Variants in CTNNA2 observed in about 807,000 individuals in gnomAD.
CTNNA2 encodes the protein catenin alpha-2.
CTNNA2 carries 42 observed loss-of-function variants against 101.0 expected under a neutral mutation model. The observed-to-expected ratio is 0.42, with a 90% CI of 0.32 to 0.54. The LOEUF is 0.54. CTNNA2 is among the 20% of genes least tolerant of loss of function. The pLI, the probability that CTNNA2 is intolerant of heterozygous loss-of-function variation, is 0.14. For synonymous variants in CTNNA2, 450 were observed against 456.4 expected (o/e 0.99, Z 0.18); for missense variants, 871 against 1,223.1 (o/e 0.71, Z 4.29).
intron 7 of CTNNA2, among the ~76,000 whole-genome samples, chr2:79,919,979 G>C (rs1209139635): frequency 6.6e-6 from 1 of 152,146 alleles, no homozygotes; most frequent in Non-Finnish European, 1.5e-5. Flanking sequence ...TCCTTTTGGA[G>C]GCCGAGGTGG....
At chr2:79,991,107 G>A (rs1692142403) in intron 7 of CTNNA2, among the ~76,000 whole-genome samples, 1 of 152,220 alleles carries the variant, frequency 6.6e-6, no homozygotes, top group South Asian at 2.1e-4. Flanking sequence ...ATTTTTGTGG[G>A]ATCGGTCGTG....
chr2:79,880,611 G>A (rs1432031097), intron 6 of CTNNA2, among the ~76,000 whole-genome samples: 1 of 152,130 alleles, frequency 6.6e-6, no homozygotes, highest in Non-Finnish European at 1.5e-5. Context: ...GCATAGAGGT[G>A]TTTATAGTAT....
chr2:80,169,266 C>G (rs1292156791), intron 7 of CTNNA2, among the ~76,000 whole-genome samples: 2 of 152,072 alleles, frequency 1.3e-5, no homozygotes, highest in Non-Finnish European at 2.9e-5. Context: ...ACTGGATGTC[C>G]ATAGTCATGA....
At chr2:80,244,049 G>A (rs1573495230) in intron 7 of CTNNA2, among the ~76,000 whole-genome samples, 1 of 152,114 alleles carries the variant, frequency 6.6e-6, no homozygotes, top group East Asian at 1.9e-4. Flanking sequence ...GCTGGACGAA[G>A]AAGAAAAACA....
intron 7 of CTNNA2, among the ~76,000 whole-genome samples, chr2:80,368,315 G>A (rs1675121621): frequency 6.6e-6 from 1 of 152,122 alleles, no homozygotes; most frequent in Non-Finnish European, 1.5e-5. Flanking sequence ...CATAGACTGG[G>A]AAATGTTGTC....
At chr2:80,598,128 AAAG>A (rs1462402967) in intron 15 of CTNNA2, among the ~76,000 whole-genome samples, 1 of 152,224 alleles carries the variant, frequency 6.6e-6, no homozygotes, top group South Asian at 2.1e-4. Context: ...ATCCAGCCAT[AAAG>A]AAGAATGAGA....
chr2:79,573,800 G>C lies in CTNNA2; in HGVS notation c.-6+60593G>C, dbSNP rs528781259. The stretch of plus-strand genomic sequence containing the variant: ...GTGTTTTCATGTTGATAGCACTTGT[G>C]AATTGGTGGTATAAGGCCTACTCCT... On this transcript the variant is annotated intron_variant, in intron 1 of 18. Coordinates refer to ENST00000402739, the MANE Select transcript of CTNNA2 (RefSeq NM_001282597.3). The C allele has an allele frequency of 1.2e-4, 18 of 152,268 alleles. 1 individual carries two copies. The highest frequency in any genetic ancestry group is 1.1e-3 in the Admixed American group (17 of 15,270). 9.4% of individuals were successfully genotyped at this position (152,268 alleles called of 1,614,324 possible). A position where few individuals can be genotyped will look rare whatever the true frequency, so the allele number is the denominator to read the frequency against.
rs374951526 is a variant in CTNNA2, at chr2:79,862,673, A to T, written c.465+4494A>T. On this transcript the variant is annotated intron_variant, in intron 4 of 18. Transcript: ENST00000402739. ...TTATTAGGTGCTGACCATATGCAAAACACTGTGCCAAGATGTATTATTTTA... is the reference window on the plus strand; with the variant it reads ...TTATTAGGTGCTGACCATATGCAAATCACTGTGCCAAGATGTATTATTTTA... 1.1e-4 allele frequency among the ~76,000 whole-genome samples: 16 copies of T among 152,288 alleles called. No homozygotes were observed. In the East Asian group the frequency reaches 1.5e-3, roughly 15 times the overall value.
intron 1 of CTNNA2, among the ~76,000 whole-genome samples, chr2:79,577,609 A>G (rs953613670): frequency 6.6e-6 from 1 of 151,942 alleles, no homozygotes; most frequent in African/African-American, 2.4e-5. Flanking sequence ...TTTTTTTTGT[A>G]GATAGTCTAA....
At chr2:79,738,807 G>T (rs760701679) in intron 2 of CTNNA2, among the ~76,000 whole-genome samples, 1 of 152,182 alleles carries the variant, frequency 6.6e-6, no homozygotes, top group Non-Finnish European at 1.5e-5. Flanking sequence ...AATGGAAAGA[G>T]AAACGGACAT....
chr2:80,001,674 A>G (rs1692958509), intron 7 of CTNNA2, among the ~76,000 whole-genome samples: 1 of 152,120 alleles, frequency 6.6e-6, no homozygotes, highest in South Asian at 2.1e-4. Flanking sequence ...TAGCTGAGCA[A>G]TTTGCAGACT....
intron 4 of CTNNA2, among the ~76,000 whole-genome samples, chr2:79,402,747 C>G (rs768030852): frequency 4.6e-5 from 7 of 151,668 alleles, no homozygotes; most frequent in Admixed American, 2.0e-4. Context: ...ATAGAACAGG[C>G]CTCAATAAAA....
At chr2:79,660,980 A>G (rs1367510611) in intron 2 of CTNNA2, among the ~76,000 whole-genome samples, 1 of 152,204 alleles carries the variant, frequency 6.6e-6, no homozygotes, top group East Asian at 1.9e-4. Context: ...ATCAACATCA[A>G]CTTGATGGAT....
intron 2 of CTNNA2, among the ~76,000 whole-genome samples, chr2:79,295,040 T>G (rs1675945950): frequency 1.3e-5 from 2 of 152,050 alleles, no homozygotes; most frequent in Admixed American, 1.3e-4. Flanking sequence ...TGTGTATTTG[T>G]GTATGCTCAT....
At chr2:80,077,753 T>G (rs1284215799) in intron 7 of CTNNA2, among the ~76,000 whole-genome samples, 2 of 152,196 alleles carry the variant, frequency 1.3e-5, no homozygotes, top group Non-Finnish European at 1.5e-5. Flanking sequence ...CAGACTAGTC[T>G]GTAGTGACAG....
At position 80,627,678 on chromosome 2, in the gene CTNNA2, G is replaced by C. The variant is rs569354246; in HGVS notation, c.2574+8450G>C. ...AGGTTGCATGTTCACTCTGATGATA[G>C]TTTCCTTTGCTGTGCAGAAGTTCAT... is the stretch of plus-strand genomic sequence containing the variant. On this transcript the variant is annotated intron_variant, in intron 18 of 18. Coordinates refer to ENST00000402739, the MANE Select transcript of CTNNA2 (RefSeq NM_001282597.3). 3.9e-5 allele frequency among the ~76,000 whole-genome samples: 6 copies of C among 152,170 alleles called. No homozygotes were observed. The South Asian group carries it at 1.2e-3, about 32-fold the overall frequency.
intron 3 of CTNNA2, among the ~76,000 whole-genome samples, chr2:79,757,393 A>G (rs964143310): frequency 2.6e-5 from 4 of 152,230 alleles, no homozygotes; most frequent in Non-Finnish European, 5.9e-5. Flanking sequence ...ATACATCTGT[A>G]TGAATAAGAA....
intron 7 of CTNNA2, among the ~76,000 whole-genome samples, chr2:80,381,998 C>T (rs371425415): frequency 6.6e-6 from 1 of 152,114 alleles, no homozygotes; most frequent in Admixed American, 6.5e-5. Flanking sequence ...TAGAAATTTC[C>T]ATCTTTTTCC....
At chr2:80,114,104 A>G (rs1004119280) in intron 7 of CTNNA2, among the ~76,000 whole-genome samples, 2 of 152,168 alleles carry the variant, frequency 1.3e-5, no homozygotes, top group Non-Finnish European at 2.9e-5. Flanking sequence ...ACACAGAGAA[A>G]ATTCCGTCGT....
Sources: allele counts gnomAD v4.1 joint callset (sites outside exome capture counted in the v4.1 genomes callset), GRCh38; gene constraint gnomAD v4.1.1; transcripts MANE v1.5; gene names NCBI Gene and HGNC (gene_info 2026-07-23, HGNC 2026-07-21).